GNPTAB: variants seen among roughly 807,000 people sequenced by gnomAD.
The protein encoded by GNPTAB is N-acetylglucosamine-1-phosphate transferase subunits alpha and beta, also known as N-acetylglucosamine-1-phosphotransferase subunits alpha/beta.
A neutral mutation model predicts 136.6 loss-of-function variants in GNPTAB; 92 were observed. That is an observed-to-expected ratio of 0.67 (90% CI 0.57 to 0.80). The LOEUF is 0.80. Among genes scored for constraint, GNPTAB ranks in the 30% least tolerant of loss-of-function variants. The pLI, the probability that GNPTAB is intolerant of heterozygous loss-of-function variation, is 0.00. For missense variants in GNPTAB, 1,343 were observed against 1,501.8 expected, an observed-to-expected ratio of 0.89 and a Z score of 1.75; for synonymous variants, 512 against 535.1, an observed-to-expected ratio of 0.96 and a Z score of 0.60.
At chr12:101,818,910 T>C (rs1012927851) in intron 1 of GNPTAB, among the ~76,000 whole-genome samples, 15 of 152,308 alleles carry the variant, frequency 9.8e-5, no homozygotes, top group African/African-American at 3.6e-4. Flanking sequence ...CATGCTCTCT[T>C]GCCTGCTGCC....
intron 16 of GNPTAB, among the ~76,000 whole-genome samples, chr12:101,759,102 G>A (rs4589357): frequency 2.6e-5 from 4 of 151,908 alleles, no homozygotes; most frequent in African/African-American, 4.8e-5. Context: ...AGTGGCTCAC[G>A]CCTGTAATCC....
intron 14 of GNPTAB, 75 bp from the exon 15 acceptor site, chr12:101,761,421 T>A (rs186827857): frequency 3.1e-5 from 46 of 1,491,852 alleles, no homozygotes; most frequent in Non-Finnish European, 4.2e-5. Flanking sequence ...AGAGATGGAC[T>A]TTTTTCTTTC....
In GNPTAB at chr12:101,761,755, C is replaced by T; in HGVS notation, c.2724G>A (p.Glu908=). 6.2e-7 allele frequency: 1 copy of T among 1,610,714 alleles called. No homozygotes were observed. The highest frequency in any genetic ancestry group is 1.3e-5 in the African/African-American group (1 of 74,986). The change falls in exon 14 of 21, where the codon GAG becomes GAA. Residue 908 remains glutamate, a synonymous_variant. Transcript: ENST00000299314. ...KYFQDLLDEE[E]SLKTQLAYFT... is the part of the protein sequence containing the mutation. ...AGTATGCCAATTGTGTCTTCAATGA[C>T]TCTTCTTCCTGAAAAGAGAATTCTA...
intron 4 of GNPTAB, among the ~76,000 whole-genome samples, chr12:101,786,839 T>A (rs189930892): frequency 6.6e-6 from 1 of 152,128 alleles, no homozygotes; most frequent in Non-Finnish European, 1.5e-5. Flanking sequence ...GTATAAAAAA[T>A]TGTTCAACTT....
intron 2 of GNPTAB, among the ~76,000 whole-genome samples, chr12:101,791,730 T>C (rs1000985372): frequency 6.6e-6 from 1 of 152,218 alleles, no homozygotes; most frequent in Non-Finnish European, 1.5e-5. Flanking sequence ...GACTTTCAGT[T>C]GCTACCATAT....
chr12:101,768,090 C>T lies in GNPTAB; in HGVS notation c.1355G>A (p.Cys452Tyr). ...GGCTGAATTATTACAAGCCTTGTCACAATAGCCATCCTTAATCCAGGAACC... is the reference window on the plus strand; with the variant it reads ...GGCTGAATTATTACAAGCCTTGTCATAATAGCCATCCTTAATCCAGGAACC... Reference protein sequence around the residue: ...CPGSWIKDGYCDKACNNSACD... With the variant: ...CPGSWIKDGYYDKACNNSACD... The change falls in exon 11 of 21, where the codon TGT becomes TAT. Residue 452 changes from cysteine to tyrosine, a missense_variant. Transcript: ENST00000299314. 1 of 1,614,128 alleles carries T rather than the reference C, an allele frequency of 6.2e-7. No homozygotes were observed. Among genetic ancestry groups the T allele is most frequent in the Non-Finnish European group, 8.5e-7 (1 of 1,179,948 alleles).
At chr12:101,759,947 G>T in intron 16 of GNPTAB, 83 bp downstream of exon 16, 1 of 837,942 alleles carries the variant, frequency 1.2e-6, no homozygotes, top group Non-Finnish European at 2.1e-6. Context: ...TGCTAGTTCT[G>T]AAGTGCTATA....
chr12:101,801,094 A>G (rs1385152678), intron 1 of GNPTAB, among the ~76,000 whole-genome samples: 1 of 151,200 alleles, frequency 6.6e-6, no homozygotes, highest in Non-Finnish European at 1.5e-5. Context: ...TTGGCCAGGC[A>G]TGGTGGCACA....
intron 18 of GNPTAB, among the ~76,000 whole-genome samples, chr12:101,755,668 T>C (rs1338654308): frequency 6.6e-6 from 1 of 152,172 alleles, no homozygotes; most frequent in Non-Finnish European, 1.5e-5. Flanking sequence ...GGGATAAACA[T>C]GTCCTTAAAG....
chr12:101,808,997 G>C (rs1870086094), intron 1 of GNPTAB, among the ~76,000 whole-genome samples: 1 of 152,082 alleles, frequency 6.6e-6, no homozygotes, highest in Non-Finnish European at 1.5e-5. Context: ...AGAATAAAAA[G>C]ATAACTATTG....
intron 20 of GNPTAB, among the ~76,000 whole-genome samples, chr12:101,748,163 C>T (rs1052009957): frequency 3.9e-5 from 6 of 152,222 alleles, no homozygotes; most frequent in Admixed American, 1.3e-4. Flanking sequence ...GATGTACAAT[C>T]CCTGGAAAGC....
In GNPTAB at chr12:101,746,148, T is replaced by A. The variant is rs1201647442; in HGVS notation, c.*1016A>T. On this transcript the variant is annotated 3_prime_UTR_variant, in exon 21 of 21. Transcript: ENST00000299314. The stretch of plus-strand genomic sequence containing the variant: ...GTACAGCTGCAAGCTAAACATGGTT[T>A]TTACATTTTTAGAGGGTTGTTTGAA... 1.3e-5 allele frequency: 2 copies of A among 152,124 alleles called. No homozygotes were observed. The highest frequency in any genetic ancestry group is 2.9e-5 in the Non-Finnish European group (2 of 68,012). The allele number at this position is 152,124 out of a possible 1,614,324, so 9.4% of individuals were successfully genotyped here.
chr12:101,811,880 C>A (rs541624644), intron 1 of GNPTAB, among the ~76,000 whole-genome samples: 41 of 149,620 alleles, frequency 2.7e-4, no homozygotes, highest in African/African-American at 7.8e-4. Flanking sequence ...CTCAGGTGAT[C>A]TAACTGCCTC....
intron 1 of GNPTAB, among the ~76,000 whole-genome samples, chr12:101,824,073 C>T (rs900173501): frequency 6.6e-6 from 1 of 152,100 alleles, no homozygotes; most frequent in African/African-American, 2.4e-5. Context: ...TCACGTGGTT[C>T]AGTTGAGACT....
intron 18 of GNPTAB, among the ~76,000 whole-genome samples, chr12:101,755,663 A>C (rs577661196): frequency 2.0e-4 from 31 of 152,352 alleles, no homozygotes; most frequent in African/African-American, 7.5e-4. Context: ...TTAACGGGAT[A>C]AACATGTCCT....
chr12:101,814,355 T>C (rs1158175707), intron 1 of GNPTAB, among the ~76,000 whole-genome samples: 1 of 152,066 alleles, frequency 6.6e-6, no homozygotes, highest in Non-Finnish European at 1.5e-5. Flanking sequence ...ATGTGGATTA[T>C]GTTTATTCAT....
intron 13 of GNPTAB, among the ~76,000 whole-genome samples, chr12:101,763,281 T>C (rs908425375): frequency 1.3e-5 from 2 of 150,528 alleles, no homozygotes; most frequent in Non-Finnish European, 3.0e-5. Flanking sequence ...GAAATAAACA[T>C]AGTCAAGAAC....
intron 1 of GNPTAB, among the ~76,000 whole-genome samples, chr12:101,811,493 C>T (rs778833782): frequency 5.3e-5 from 8 of 151,756 alleles, no homozygotes; most frequent in South Asian, 2.1e-4. Context: ...GTTTAACTGA[C>T]TCACAGTTCT....
intron 1 of GNPTAB, among the ~76,000 whole-genome samples, chr12:101,824,424 A>T (rs1313070892): frequency 3.0e-5 from 3 of 99,806 alleles, no homozygotes; most frequent in African/African-American, 1.1e-4. Context: ...ATATATATAT[A>T]TATATATATT....
Sources: gnomAD v4.1 joint callset for allele counts (sites outside exome capture counted in the v4.1 genomes callset) on GRCh38, gnomAD v4.1.1 for gene constraint, MANE v1.5 for transcripts, NCBI Gene and HGNC (gene_info 2026-07-23, HGNC 2026-07-21) for gene names.